NUP205: variants seen among roughly 807,000 people sequenced by gnomAD.
NUP205 encodes nucleoporin 205.
NUP205 carries 76 observed loss-of-function variants against 253.8 expected under a neutral mutation model. The observed-to-expected ratio is 0.30, with a 90% CI of 0.25 to 0.36. NUP205 has a LOEUF of 0.36. Among genes scored for constraint, NUP205 ranks in the 10% least tolerant of loss-of-function variants. The probability of loss-of-function intolerance (pLI) is 1.00; values close to 1 mark genes in which losing one functional copy is unlikely to be tolerated. For synonymous variants in NUP205, 832 were observed against 850.1 expected (o/e 0.98, Z 0.37); for missense variants, 2,162 against 2,425.5 (o/e 0.89, Z 2.28).
intron 1 of NUP205, among the ~76,000 whole-genome samples, 156 bp from the exon 2 acceptor site, chr7:135,570,946 TATA>T (rs1430464574): frequency 8.2e-6 from 1 of 121,342 alleles, no homozygotes; most frequent in Non-Finnish European, 1.7e-5. Flanking sequence ...ACATACTAAT[TATA>T]ATATTTATAA....
intron 30 of NUP205, among the ~76,000 whole-genome samples, chr7:135,622,325 A>T (rs1322618245): frequency 6.6e-6 from 1 of 151,096 alleles, no homozygotes; most frequent in Admixed American, 6.6e-5. Flanking sequence ...GGGGAGGCTG[A>T]GGCAGGAGAA....
chr7:135,570,050 TATAGAGAGAGAGAGAGAGAG>T (rs1229347118), intron 1 of NUP205, among the ~76,000 whole-genome samples: 3 of 88,920 alleles, frequency 3.4e-5, no homozygotes, highest in South Asian at 4.0e-4. Context: ...TATATATATA[TATAGAGAGAGAGAGAGAGAG>T]AGAGAGAGAG....
intron 10 of NUP205, among the ~76,000 whole-genome samples, chr7:135,589,484 C>T (rs1806565515): frequency 1.3e-5 from 2 of 151,130 alleles, no homozygotes; most frequent in Admixed American, 6.6e-5. Flanking sequence ...GATGGGGTTT[C>T]TCCATGTTGG....
chr7:135,606,236 AG>A lies in NUP205; in HGVS notation c.2905+11del. 1.3e-6 allele frequency: 2 copies of A among 1,541,308 alleles called. No individual in the cohort carries two copies. Among genetic ancestry groups the A allele is most frequent in the Non-Finnish European group, 1.8e-6 (2 of 1,114,226 alleles). On this transcript the variant is annotated intron_variant, in intron 20 of 42. Transcript: ENST00000285968. ...GTACGTCTGGAAGAGGGTATGCCTTAGATTAATGTGCATACACGCATTCTTT... is the reference window on the plus strand; with the variant it reads ...GTACGTCTGGAAGAGGGTATGCCTTAATTAATGTGCATACACGCATTCTTT...
intron 7 of NUP205, 99 bp from the exon 8 acceptor site, chr7:135,584,733 G>T: frequency 2.9e-6 from 3 of 1,035,524 alleles, no homozygotes; most frequent in Non-Finnish European, 4.4e-6. Context: ...TAGAAGGCTG[G>T]GAAGATGTCT....
intron 13 of NUP205, among the ~76,000 whole-genome samples, chr7:135,596,109 T>C (rs1366015023): frequency 6.6e-6 from 1 of 151,966 alleles, no homozygotes; most frequent in Non-Finnish European, 1.5e-5. Context: ...TAATTTTGTA[T>C]TTTTAGTAGA....
rs75014658 is a variant in NUP205, at chr7:135,567,552, A to G, written c.29-3553A>G. ...CTTGACCCCAGGAAGTTGAGGCTAC[A>G]GTGAGCTGAGATGGCACCACTGTAC... is the stretch of plus-strand genomic sequence containing the variant. On this transcript the variant is annotated intron_variant, in intron 1 of 42. Coordinates refer to ENST00000285968, the MANE Select transcript of NUP205 (RefSeq NM_015135.3). Among the ~76,000 whole-genome samples the G allele has an allele frequency of 3.7e-3, 569 of 151,810 alleles. 2 individuals are homozygous for G. Among genetic ancestry groups the G allele is most frequent in the African/African-American group, 0.013 (547 of 41,378 alleles).
chr7:135,622,996 G>A (rs1794507297), intron 31 of NUP205, 71 bp downstream of exon 31: 14 of 1,484,782 alleles, frequency 9.4e-6, no homozygotes, highest in South Asian at 2.4e-5. Flanking sequence ...ACTGATTCAC[G>A]GCTGGGTGTG....
At chr7:135,580,159 G>A (rs1806264811) in intron 7 of NUP205, among the ~76,000 whole-genome samples, 1 of 152,132 alleles carries the variant, frequency 6.6e-6, no homozygotes, top group Admixed American at 6.5e-5. Flanking sequence ...TAATCCTAAA[G>A]TATCAACAGA....
At chr7:135,584,098 C>A (rs1051295810) in intron 7 of NUP205, among the ~76,000 whole-genome samples, 1 of 152,088 alleles carries the variant, frequency 6.6e-6, no homozygotes, top group Non-Finnish European at 1.5e-5. Context: ...GCATGAGCCA[C>A]CCTGCCCGGC....
Position 135,622,766 on chromosome 7 carries a change from A to G in NUP205, c.4331-11A>G. On this transcript the variant is annotated splice_polypyrimidine_tract_variant and intron_variant, in intron 30 of 42. Coordinates refer to ENST00000285968, the MANE Select transcript of NUP205 (RefSeq NM_015135.3). Reference sequence around the variant, plus strand: ...TTACTGGAGTGTTTTTTTCTGTTTTAATCCTTTTAGCCAAGAAAACCATGT... The same window carrying G: ...TTACTGGAGTGTTTTTTTCTGTTTTGATCCTTTTAGCCAAGAAAACCATGT... 1 of 1,609,090 alleles carries G rather than the reference A, an allele frequency of 6.2e-7. No individual in the cohort carries two copies. Among genetic ancestry groups the G allele is most frequent in the Non-Finnish European group, 8.5e-7 (1 of 1,178,390 alleles).
intron 7 of NUP205, among the ~76,000 whole-genome samples, chr7:135,583,836 C>G (rs1584650092): frequency 6.7e-6 from 1 of 148,876 alleles, no homozygotes; most frequent in Non-Finnish European, 1.5e-5. Flanking sequence ...TGCTTTCTTT[C>G]TTTCTTTCTT....
At position 135,617,147 on chromosome 7, in the gene NUP205, A is replaced by C. The variant is rs1794379777; in HGVS notation, c.3590A>C (p.Glu1197Ala). 2 of 1,613,834 alleles carry C rather than the reference A, an allele frequency of 1.2e-6. No individual in the cohort carries two copies. Among genetic ancestry groups the C allele is most frequent in the Non-Finnish European group, 1.7e-6 (2 of 1,179,778 alleles). ...DSIDFSQEIPEPLQLDFFDRA... is the reference protein window; with the variant it reads ...DSIDFSQEIPAPLQLDFFDRA... ...ATTGACTTCAGTCAGGAGATCCCTG[A>C]GCCTTTGCAGTTGGATTTTTTTGAT... Residue 1197 changes from glutamate to alanine, a missense_variant, in exon 26 of 43, where the codon GAG becomes GCG. This residue lies in a region of NUP205 where 1,144 missense variants were observed against 1,280.9 expected (regional missense o/e 0.89). Coordinates refer to ENST00000285968, the MANE Select transcript of NUP205 (RefSeq NM_015135.3).
At chr7:135,623,615 G>A (rs1794520989) in intron 31 of NUP205, among the ~76,000 whole-genome samples, 1 of 152,276 alleles carries the variant, frequency 6.6e-6, no homozygotes, top group East Asian at 1.9e-4. Context: ...TATATTTCTT[G>A]TACAGTATGG....
At chr7:135,619,279 C>A in intron 28 of NUP205, 144 bp from the exon 29 acceptor site, 1 of 821,410 alleles carries the variant, frequency 1.2e-6, no homozygotes, top group Non-Finnish European at 1.9e-6. Context: ...GAGGTCAAGG[C>A]TGAAGTGAGC....
At chr7:135,591,710 A>T (rs961647386) in intron 11 of NUP205, 110 bp downstream of exon 11, 23 of 926,176 alleles carry the variant, frequency 2.5e-5, no homozygotes, top group Non-Finnish European at 3.6e-5. Context: ...CCAGAGGTAT[A>T]AATTATTTTC....
intron 15 of NUP205, among the ~76,000 whole-genome samples, chr7:135,600,478 G>C (rs760233161): frequency 2.4e-4 from 36 of 152,140 alleles, no homozygotes; most frequent in Non-Finnish European, 4.9e-4. Context: ...TAGATGAGAT[G>C]ATTTCTCAGA....
rs778613880 is a variant in NUP205, at chr7:135,604,417, C to T, written c.2780C>T (p.Ser927Phe). 4 of 1,612,006 alleles carry T rather than the reference C, an allele frequency of 2.5e-6. No homozygotes were observed. Among genetic ancestry groups the T allele is most frequent in the Non-Finnish European group, 3.4e-6 (4 of 1,179,000 alleles). The change falls in exon 19 of 43, where the codon TCT becomes TTT. Residue 927 changes from serine to phenylalanine, a missense_variant. This residue lies in a region of NUP205 where 892 missense variants were observed against 957.1 expected (regional missense o/e 0.93). Coordinates refer to ENST00000285968, the MANE Select transcript of NUP205 (RefSeq NM_015135.3). ...AKILCCISCNSNIQIKLVGDF... is the reference protein window; with the variant it reads ...AKILCCISCNFNIQIKLVGDF... The stretch of plus-strand genomic sequence containing the variant: ...ATCCTCTGTTGTATCTCTTGCAACT[C>T]TAATATTCAGATAAAGTTGGTTGGA...
In NUP205 at chr7:135,618,545, T is replaced by C. The variant is rs1441053403; in HGVS notation, c.3905T>C (p.Ile1302Thr). 6.2e-7 allele frequency: 1 copy of C among 1,613,658 alleles called. No individual in the cohort carries two copies. The highest frequency in any genetic ancestry group is 1.7e-5 in the Admixed American group (1 of 59,916). ...CTGACAGCTTGTCCCCAGGACCTCATTCAGGCAGAGGATCGACAACTGATT... is the reference window on the plus strand; with the variant it reads ...CTGACAGCTTGTCCCCAGGACCTCACTCAGGCAGAGGATCGACAACTGATT... ...IILTACPQDL[I>T]QAEDRQLIIR... The change falls in exon 28 of 43, where the codon ATT becomes ACT. Residue 1302 changes from isoleucine to threonine, a missense_variant. Around this residue, in one of 5 missense-constraint regions of NUP205, gnomAD observed 1,144 missense variants for 1,280.9 expected, o/e 0.89. Coordinates refer to ENST00000285968, the MANE Select transcript of NUP205 (RefSeq NM_015135.3).
Sources: allele counts gnomAD v4.1 joint callset (sites outside exome capture counted in the v4.1 genomes callset), GRCh38; gene constraint gnomAD v4.1.1; regional missense constraint gnomAD v4.1.1; transcripts MANE v1.5; gene names NCBI Gene and HGNC (gene_info 2026-07-23, HGNC 2026-07-21).